Variants in PPARGC1A observed in about 807,000 individuals in gnomAD.
PPARGC1A encodes PPARG coactivator 1 alpha.
A neutral mutation model predicts 88.7 loss-of-function variants in PPARGC1A; 25 were observed. That is an observed-to-expected ratio of 0.28 (90% CI 0.21 to 0.39). The LOEUF (loss-of-function observed/expected upper bound fraction) is 0.39, where lower values mean the gene tolerates loss of function less well. PPARGC1A is among the 10% of genes least tolerant of loss of function. The pLI, the probability that PPARGC1A is intolerant of heterozygous loss-of-function variation, is 1.00. For synonymous variants in PPARGC1A, 363 were observed against 355.6 expected (o/e 1.02, Z -0.24); for missense variants, 880 against 968.7 (o/e 0.91, Z 1.22).
the PPARGC1A span, among the ~76,000 whole-genome samples, chr4:24,083,209 T>C: frequency 6.6e-6 from 1 of 152,134 alleles, no homozygotes; most frequent in Non-Finnish European, 1.5e-5. Flanking sequence ...ATAGCTCTGA[T>C]TCCAGACAGT....
upstream of PPARGC1A, among the ~76,000 whole-genome samples, chr4:23,908,517 GA>G (rs5856806): frequency 0.78 from 114,331 of 146,906 alleles, 45,023 homozygotes; most frequent in African/African-American, 0.91. Flanking sequence ...TAGGGAACAG[GA>G]AAAAAAAAAA....
the PPARGC1A span, among the ~76,000 whole-genome samples, chr4:23,964,715 G>A: frequency 1.3e-5 from 2 of 152,116 alleles, no homozygotes; most frequent in Admixed American, 6.6e-5. Context: ...GAAGACTGAA[G>A]AGAATCCTTT....
At chr4:24,177,590 G>T in the PPARGC1A span, among the ~76,000 whole-genome samples, 1 of 149,040 alleles carries the variant, frequency 6.7e-6, no homozygotes, top group African/African-American at 2.5e-5. Flanking sequence ...TGCATGTTGT[G>T]CACATGTACC....
the PPARGC1A span, among the ~76,000 whole-genome samples, chr4:24,020,939 G>C: frequency 1.3e-5 from 2 of 152,172 alleles, no homozygotes; most frequent in African/African-American, 2.4e-5. Flanking sequence ...TGCCTCTGTG[G>C]TTCTGCTCAG....
chr4:24,109,339 ACT>A, the PPARGC1A span, among the ~76,000 whole-genome samples: 1 of 143,508 alleles, frequency 7.0e-6, no homozygotes, highest in Non-Finnish European at 1.5e-5. Flanking sequence ...ACACACACAC[ACT>A]TTTATTCGTT....
At chr4:23,853,863 A>C in intron 2 of PPARGC1A, among the ~76,000 whole-genome samples, 1 of 152,184 alleles carries the variant, frequency 6.6e-6, no homozygotes, top group Admixed American at 6.5e-5. Flanking sequence ...CTACAGTCAG[A>C]CTGCCTGGGC....
chr4:24,059,001 G>C, the PPARGC1A span, among the ~76,000 whole-genome samples: 1 of 152,134 alleles, frequency 6.6e-6, no homozygotes, highest in Non-Finnish European at 1.5e-5. Context: ...AAATGACTGT[G>C]TTTTGTATGT....
chr4:24,303,198 T>C, the PPARGC1A span, among the ~76,000 whole-genome samples: 1 of 152,308 alleles, frequency 6.6e-6, no homozygotes, highest in East Asian at 1.9e-4. Flanking sequence ...GGAGTTATTT[T>C]TGAGCAAAAG....
the PPARGC1A span, among the ~76,000 whole-genome samples, chr4:24,231,662 A>C: frequency 2.0e-5 from 3 of 152,238 alleles, no homozygotes; most frequent in Non-Finnish European, 2.9e-5. Flanking sequence ...TCACTCGGGA[A>C]GAAACTGTAT....
the PPARGC1A span, among the ~76,000 whole-genome samples, chr4:24,042,526 T>C: frequency 6.6e-6 from 1 of 152,188 alleles, no homozygotes; most frequent in East Asian, 1.9e-4. Flanking sequence ...CACATGCTAC[T>C]TATATTCCTT....
At chr4:23,962,274 C>T in the PPARGC1A span, among the ~76,000 whole-genome samples, 1 of 152,040 alleles carries the variant, frequency 6.6e-6, no homozygotes, top group South Asian at 2.1e-4. Context: ...AGTAAAGCAA[C>T]CCGGAAAGGG....
chr4:24,052,711 T>C, the PPARGC1A span, among the ~76,000 whole-genome samples: 2 of 152,040 alleles, frequency 1.3e-5, no homozygotes, highest in Admixed American at 6.6e-5. Flanking sequence ...CATTTGCTCC[T>C]ATGTGGCCAA....
the PPARGC1A span, among the ~76,000 whole-genome samples, chr4:23,921,456 T>A: frequency 6.6e-6 from 1 of 152,228 alleles, no homozygotes; most frequent in African/African-American, 2.4e-5. Context: ...GGCATGGGAT[T>A]CGGTTTGGCT....
the PPARGC1A span, among the ~76,000 whole-genome samples, chr4:24,449,180 A>G: frequency 2.6e-5 from 4 of 151,916 alleles, no homozygotes; most frequent in Non-Finnish European, 5.9e-5. Context: ...AACGACCCCA[A>G]TTTTCTAGCC....
At chr4:24,370,056 A>G in the PPARGC1A span, among the ~76,000 whole-genome samples, 1 of 152,244 alleles carries the variant, frequency 6.6e-6, no homozygotes. Context: ...AGACTCTTTT[A>G]ACAAAGGAAA....
chr4:24,146,931 G>T, the PPARGC1A span, among the ~76,000 whole-genome samples: 4 of 152,162 alleles, frequency 2.6e-5, no homozygotes, highest in African/African-American at 9.7e-5. Flanking sequence ...TCTGTAGAAT[G>T]TAAGTTTCAT....
the PPARGC1A span, among the ~76,000 whole-genome samples, chr4:24,109,564 C>A: frequency 6.6e-6 from 1 of 152,158 alleles, no homozygotes; most frequent in Non-Finnish European, 1.5e-5. Flanking sequence ...CATATCTATT[C>A]ATTCCCATCC....
At chr4:24,376,104 C>A in the PPARGC1A span, among the ~76,000 whole-genome samples, 4 of 151,900 alleles carry the variant, frequency 2.6e-5, no homozygotes, top group Non-Finnish European at 4.4e-5. Context: ...ACAGCCCATA[C>A]ATTTTACTTT....
the PPARGC1A span, among the ~76,000 whole-genome samples, chr4:24,153,366 A>G: frequency 6.6e-6 from 1 of 152,210 alleles, no homozygotes; most frequent in Non-Finnish European, 1.5e-5. Context: ...GAAAAAAAAA[A>G]TCAACCACCT....
Sources: allele counts gnomAD v4.1 joint callset (sites outside exome capture counted in the v4.1 genomes callset), GRCh38; gene constraint gnomAD v4.1.1; transcripts MANE v1.5; gene names NCBI Gene and HGNC (gene_info 2026-07-23, HGNC 2026-07-21).